Variants in TRIOBP observed in about 807,000 individuals in gnomAD.
The protein encoded by TRIOBP is TRIO and F-actin binding protein, also known as TRIO and F-actin-binding protein.
In TRIOBP, 169 loss-of-function variants were observed where a neutral mutation model predicts 238.8. That is an observed-to-expected ratio of 0.71 (90% confidence interval 0.62 to 0.80). The LOEUF is 0.80. Among genes scored for constraint, TRIOBP ranks in the 30% least tolerant of loss-of-function variants. TRIOBP has a pLI of 0.00. For missense variants in TRIOBP, 2,838 were observed against 3,122.6 expected, an observed-to-expected ratio of 0.91 and a Z score of 2.17; for synonymous variants, 1,150 against 1,274.4, an observed-to-expected ratio of 0.90 and a Z score of 2.08.
rs139745097 is a variant in TRIOBP, at chr22:37,722,757, A to C, written c.629-428A>C. On this transcript the variant is annotated intron_variant, in intron 6 of 23. Coordinates refer to ENST00000644935, the MANE Select transcript of TRIOBP (RefSeq NM_001039141.3). ...CAAAACAAAACAAGAAATGGGGGGA[A>C]TTCCTTGGATTCTGATTGAAGGAAA... is the stretch of plus-strand genomic sequence containing the variant. Among the ~76,000 whole-genome samples, 1,233 of 152,290 alleles carry C rather than the reference A, an allele frequency of 8.1e-3. 17 individuals are homozygous for C. Among genetic ancestry groups the C allele is most frequent in the African/African-American group, 0.028 (1,162 of 41,570 alleles).
At chr22:37,718,110 G>A (rs939213635) in intron 6 of TRIOBP, among the ~76,000 whole-genome samples, 2 of 152,172 alleles carry the variant, frequency 1.3e-5, no homozygotes, top group African/African-American at 2.4e-5. Flanking sequence ...GCCCGGGGCC[G>A]GCAGGGCCAG....
chr22:37,749,437 C>T (rs1375438068), intron 11 of TRIOBP, among the ~76,000 whole-genome samples: 1 of 151,934 alleles, frequency 6.6e-6, no homozygotes, highest in East Asian at 1.9e-4. Context: ...TCCCGCCAGC[C>T]CGAGGGTGTG....
rs771329109 is a variant in TRIOBP, at chr22:37,734,467, G to A, written c.4131G>A (p.Trp1377Ter). 1 of 1,612,820 alleles carries A rather than the reference G, an allele frequency of 6.2e-7. No homozygotes were observed. Among genetic ancestry groups the A allele is most frequent in the Non-Finnish European group, 8.5e-7 (1 of 1,179,782 alleles). ...GCCAAGCAGAGCCCCCTCATCCTTG[G>A]AGTCCTGAGAAGAGACCTGAGGGAG... ...RRSQAEPPHP[W>*]SPEKRPEGDR... Residue 1377 changes from tryptophan (W) to a stop codon, truncating the protein, a stop_gained, in exon 9 of 24, where the codon TGG (tryptophan) becomes TGA (stop). Transcript: ENST00000644935. LOFTEE classifies it high-confidence loss of function.
intron 7 of TRIOBP, 127 bp downstream of exon 7, chr22:37,726,630 C>A: frequency 9.9e-7 from 1 of 1,010,900 alleles, no homozygotes; most frequent in Non-Finnish European, 1.4e-6. Context: ...GGCTGTGTGA[C>A]CTTGGGCAAA....
rs1048336506 is a variant in TRIOBP, at chr22:37,725,456, CCA to C, written c.2902_2903del (p.Thr968ProfsTer14). On this transcript the variant is annotated frameshift_variant, in exon 7 of 24. Transcript: ENST00000644935. LOFTEE classifies it high-confidence loss of function. ...GACCCACCCCAGTCCTCCTTTGGCC[CCA>C]CCCAGTACAACTTGCCATCCCGGGC... 1.2e-6 allele frequency: 2 copies of C among 1,612,484 alleles called. No homozygotes were observed. Among genetic ancestry groups the C allele is most frequent in the African/African-American group, 2.7e-5 (2 of 74,886 alleles).
At chr22:37,709,352 C>A (rs771875764) in intron 3 of TRIOBP, among the ~76,000 whole-genome samples, 1 of 152,226 alleles carries the variant, frequency 6.6e-6, no homozygotes, top group Non-Finnish European at 1.5e-5. Context: ...CGGGTTCCTG[C>A]GGTTTCATGT....
chr22:37,738,867 T>A (rs2145846215), intron 10 of TRIOBP, 148 bp downstream of exon 10: 1 of 878,812 alleles, frequency 1.1e-6, no homozygotes, highest in Non-Finnish European at 1.8e-6. Flanking sequence ...GGTGGGGCCT[T>A]AAGAAGAGGG....
Position 37,750,123 on chromosome 22 carries a change from G to C in TRIOBP, c.5323-1649G>C, listed in dbSNP as rs567373937. On this transcript the variant is annotated intron_variant, in intron 11 of 23. Transcript: ENST00000644935. ...AGCTGCGGGAGGGGAGGACCGCCCC[G>C]TCATTTGCCACATCAGGCAGCCAGG... 6.6e-5 allele frequency among the ~76,000 whole-genome samples: 10 copies of C among 152,294 alleles called. No individual in the cohort carries two copies. The East Asian group carries it at 1.9e-3, about 29-fold the overall frequency.
chr22:37,701,544 G>T, intron 3 of TRIOBP, 65 bp downstream of exon 3: 2 of 1,207,682 alleles, frequency 1.7e-6, no homozygotes, highest in South Asian at 2.6e-5. Flanking sequence ...GACTGGGCCT[G>T]TGGTGTCCGC....
At chr22:37,711,190 C>T (rs927742076) in intron 4 of TRIOBP, among the ~76,000 whole-genome samples, 1 of 152,172 alleles carries the variant, frequency 6.6e-6, no homozygotes, top group African/African-American at 2.4e-5. Flanking sequence ...TCTCAGTTTC[C>T]CTCTCTGTAA....
chr22:37,730,397 G>A (rs937968175), intron 7 of TRIOBP, among the ~76,000 whole-genome samples: 2 of 152,122 alleles, frequency 1.3e-5, no homozygotes, highest in African/African-American at 4.8e-5. Flanking sequence ...TTCTCAGGAG[G>A]AATGCTCATC....
intron 3 of TRIOBP, among the ~76,000 whole-genome samples, chr22:37,710,149 C>T (rs868529192): frequency 6.6e-6 from 1 of 152,266 alleles, no homozygotes; most frequent in Non-Finnish European, 1.5e-5. Flanking sequence ...CACCTATGTG[C>T]ACACATGTGC....
Position 37,771,682 on chromosome 22 carries a change from G to A in TRIOBP, c.6882G>A (p.Gln2294=). ...VLLRVKENEL[Q]YLKKEVQCLR... ...TTCGCGTAAAAGAAAACGAACTCCA[G>A]TACCTAAAGAAGGAGGTGCAGTGCC... is the stretch of plus-strand genomic sequence containing the variant. Residue 2294 remains glutamine, a synonymous_variant, in exon 22 of 24, where the codon CAG becomes CAA. Transcript: ENST00000644935. 6.2e-7 allele frequency: 1 copy of A among 1,614,162 alleles called. No homozygotes were observed. Among genetic ancestry groups the A allele is most frequent in the South Asian group, 1.1e-5 (1 of 91,084 alleles).
In TRIOBP at chr22:37,713,529, T is replaced by C; in HGVS notation, c.456+118T>C. The C allele has an allele frequency of 4.6e-6, 6 of 1,312,334 alleles. No individual in the cohort carries two copies. The East Asian group carries it at 9.3e-5, about 20-fold the overall frequency. The allele number at this position is 1,312,334 out of a possible 1,614,324, so 81.3% of individuals were successfully genotyped here. A position where few individuals can be genotyped will look rare whatever the true frequency, so the allele number is the denominator to read the frequency against. On this transcript the variant is annotated intron_variant, in intron 5 of 23. Transcript: ENST00000644935. ...CCTCACACCAGGGAATCCGACGAGGTCCTCTGGACCATTAGCTGGCAGCTC... is the reference window on the plus strand; with the variant it reads ...CCTCACACCAGGGAATCCGACGAGGCCCTCTGGACCATTAGCTGGCAGCTC...
At position 37,710,472 on chromosome 22, in the gene TRIOBP, C is replaced by A. The variant is rs763426774; in HGVS notation, c.160C>A (p.Pro54Thr). Reference sequence around the variant, plus strand: ...TGCTGAGGTGCCCTACTGCGACCTGCCTCGATGTCCACCTGCCCCTGAGGA... The same window carrying A: ...TGCTGAGGTGCCCTACTGCGACCTGACTCGATGTCCACCTGCCCCTGAGGA... Reference protein sequence around the residue: ...SGAEVPYCDLPRCPPAPEDPL... With the variant: ...SGAEVPYCDLTRCPPAPEDPL... The change falls in exon 4 of 24, where the codon CCT becomes ACT. Residue 54 changes from proline to threonine, a missense_variant. Physicochemically the swap from Pro to Thr is conservative, Grantham distance 38. This residue lies in a region of TRIOBP where 535 missense variants were observed against 537.3 expected (regional missense o/e 1.00). Coordinates refer to ENST00000644935, the MANE Select transcript of TRIOBP (RefSeq NM_001039141.3). 2.5e-6 allele frequency: 4 copies of A among 1,613,400 alleles called. No individual in the cohort carries two copies. Among genetic ancestry groups the A allele is most frequent in the South Asian group, 1.1e-5 (1 of 91,064 alleles).
chr22:37,762,839 T>G (rs1386660563), intron 17 of TRIOBP, among the ~76,000 whole-genome samples: 1 of 152,124 alleles, frequency 6.6e-6, no homozygotes, highest in Non-Finnish European at 1.5e-5. Flanking sequence ...TGGGTGCCCT[T>G]CCTTCAGGGG....
chr22:37,748,557 C>G (rs565866501), intron 11 of TRIOBP, among the ~76,000 whole-genome samples: 1 of 150,056 alleles, frequency 6.7e-6, no homozygotes, highest in Non-Finnish European at 1.5e-5. Context: ...ATTTCCTGGC[C>G]TAGAACAGTG....
At chr22:37,718,901 C>T (rs1923681252) in intron 6 of TRIOBP, among the ~76,000 whole-genome samples, 1 of 132,808 alleles carries the variant, frequency 7.5e-6, no homozygotes, top group South Asian at 2.8e-4. Context: ...GGCTGGAGTG[C>T]AGTGGCGCGA....
At chr22:37,702,634 CT>C (rs34625454) in intron 3 of TRIOBP, among the ~76,000 whole-genome samples, 25,271 of 81,468 alleles carry the variant, frequency 0.31, 2,270 homozygotes, top group East Asian at 0.41. Flanking sequence ...TTCTCTCTCT[CT>C]TTTTTTTTTT....
Sources: allele counts gnomAD v4.1 joint callset (sites outside exome capture counted in the v4.1 genomes callset), GRCh38; gene constraint gnomAD v4.1.1; regional missense constraint gnomAD v4.1.1; transcripts MANE v1.5; gene names NCBI Gene and HGNC (gene_info 2026-07-23, HGNC 2026-07-21).